ICA1: variants seen among roughly 807,000 people sequenced by gnomAD.
ICA1 encodes the protein 69 kDa islet cell autoantigen.
Under a neutral mutation model 71.0 loss-of-function variants are expected in ICA1, and 40 were observed. That is an observed-to-expected ratio of 0.56 (90% CI 0.44 to 0.73). ICA1 has a LOEUF of 0.73. Ranked by LOEUF, ICA1 falls within the 30% of genes least tolerant of loss-of-function variation. The pLI is 0.00. For synonymous variants in ICA1, 207 were observed against 209.5 expected (o/e 0.99, Z 0.10); for missense variants, 578 against 576.5 (o/e 1.00, Z -0.03).
At chr7:8,140,936 C>T (rs1169922181) in intron 10 of ICA1, among the ~76,000 whole-genome samples, 2 of 152,182 alleles carry the variant, frequency 1.3e-5, no homozygotes, top group Non-Finnish European at 2.9e-5. Context: ...CAGGAAGGTA[C>T]CACACCAGAG....
intron 13 of ICA1, among the ~76,000 whole-genome samples, chr7:8,125,897 C>G (rs1788981735): frequency 6.6e-6 from 1 of 152,188 alleles, no homozygotes; most frequent in Admixed American, 6.5e-5. Flanking sequence ...AGAACACCTC[C>G]CTCCTTAGAC....
intron 12 of ICA1, among the ~76,000 whole-genome samples, chr7:8,138,220 T>A (rs1794061301): frequency 6.6e-6 from 1 of 152,170 alleles, no homozygotes; most frequent in Non-Finnish European, 1.5e-5. Flanking sequence ...CATAAGTGAT[T>A]TTAGGTTTGG....
intron 6 of ICA1, among the ~76,000 whole-genome samples, chr7:8,168,247 G>A (rs190336257): frequency 1.8e-3 from 275 of 152,236 alleles, no homozygotes; most frequent in African/African-American, 6.4e-3. Flanking sequence ...GATCTAAGAA[G>A]TTTCATGATA....
intron 4 of ICA1, among the ~76,000 whole-genome samples, chr7:8,227,196 C>A (rs1477580409): frequency 6.6e-6 from 1 of 152,054 alleles, no homozygotes; most frequent in African/African-American, 2.4e-5. Flanking sequence ...AAGGTTTAAG[C>A]CAAGGAAGAA....
intron 6 of ICA1, among the ~76,000 whole-genome samples, chr7:8,202,418 G>C (rs1790039865): frequency 6.6e-6 from 1 of 152,164 alleles, no homozygotes; most frequent in Non-Finnish European, 1.5e-5. Flanking sequence ...AAATTGCTTA[G>C]AACTGTAGCT....
At chr7:8,251,222 A>C (rs957935089) in intron 1 of ICA1, among the ~76,000 whole-genome samples, 12 of 152,106 alleles carry the variant, frequency 7.9e-5, no homozygotes, top group African/African-American at 2.4e-4. Flanking sequence ...TTTACATTTC[A>C]AAAGAACTCA....
intron 13 of ICA1, among the ~76,000 whole-genome samples, chr7:8,115,751 C>A (rs935155081): frequency 2.0e-5 from 3 of 152,248 alleles, no homozygotes; most frequent in Admixed American, 1.3e-4. Context: ...GCTAGAGCTG[C>A]AAACACAGAT....
At chr7:8,193,424 T>A (rs1786375282) in intron 6 of ICA1, among the ~76,000 whole-genome samples, 1 of 152,234 alleles carries the variant, frequency 6.6e-6, no homozygotes, top group Non-Finnish European at 1.5e-5. Flanking sequence ...CCACAACTTA[T>A]CTGCTCAATC....
chr7:8,120,550 T>C (rs766290463), intron 13 of ICA1, among the ~76,000 whole-genome samples: 3 of 152,174 alleles, frequency 2.0e-5, no homozygotes, highest in Non-Finnish European at 4.4e-5. Context: ...GGCTGAGGCA[T>C]TTTTAACATG....
At chr7:8,211,922 C>T (rs372456772) in intron 6 of ICA1, among the ~76,000 whole-genome samples, 1 of 152,174 alleles carries the variant, frequency 6.6e-6, no homozygotes, top group Non-Finnish European at 1.5e-5. Flanking sequence ...TAGGCATGGT[C>T]ATGTTCCAAT....
rs1802604524 is a variant in ICA1, at chr7:8,158,657, G to A, written c.580-5C>T. The A allele has an allele frequency of 6.2e-7, 1 of 1,613,564 alleles. No individual in the cohort carries two copies. Among genetic ancestry groups the A allele is most frequent in the Admixed American group, 1.7e-5 (1 of 59,964 alleles). ...AAGGCGCACTTGTGTTTGTACCTAT[G>A]AAAATAAAGAGGAATTTCTGAATCA... On this transcript the variant is annotated splice_region_variant and splice_polypyrimidine_tract_variant and intron_variant, in intron 6 of 13. Coordinates refer to ENST00000402384, the MANE Select transcript of ICA1 (RefSeq NM_001136020.3).
At position 8,256,820 on chromosome 7, in the gene ICA1, T is replaced by C. The variant is rs142279870; in HGVS notation, c.-80+5274A>G. Reference sequence around the variant, plus strand: ...GAGCACAGTAGCCATTCAGTACATATGTGCTGGGCAAGGGGCAATAATTAT... The same window carrying C: ...GAGCACAGTAGCCATTCAGTACATACGTGCTGGGCAAGGGGCAATAATTAT... On this transcript the variant is annotated intron_variant, in intron 1 of 13. Coordinates refer to ENST00000402384, the MANE Select transcript of ICA1 (RefSeq NM_001136020.3). Among the ~76,000 whole-genome samples, 57 of 152,334 alleles carry C rather than the reference T, an allele frequency of 3.7e-4. 5 individuals carry two copies. In the East Asian group the frequency reaches 0.011, roughly 28 times the overall value.
rs1216728776 is a variant in ICA1 at position 8,218,478 on chromosome 7, G to A, written c.406C>T (p.Arg136Ter). 3.7e-6 allele frequency: 6 copies of A among 1,613,894 alleles called. No individual in the cohort carries two copies. Among genetic ancestry groups the A allele is most frequent in the South Asian group, 1.1e-5 (1 of 91,072 alleles). The change falls in exon 6 of 14, where the codon CGA (arginine) becomes TGA (stop). Residue 136 changes from arginine to a stop codon, truncating the protein, a stop_gained. Coordinates refer to ENST00000402384, the MANE Select transcript of ICA1 (RefSeq NM_001136020.3). LOFTEE classifies it high-confidence loss of function. ...AAAGTCTCCACTTCTTGGTGAAATC[G>A]ACACAAAGGATTTCGTAAGGCCAAC... ...QRLALRNPLC[R>*]FHQEVETFRH...
At chr7:8,151,418 C>G (rs1447248704) in intron 8 of ICA1, among the ~76,000 whole-genome samples, 2 of 152,220 alleles carry the variant, frequency 1.3e-5, no homozygotes, top group African/African-American at 4.8e-5. Flanking sequence ...TCCCTCCTTT[C>G]TTGGTGACCT....
Position 8,174,519 on chromosome 7 carries a change from C to A in ICA1, c.580-15867G>T, listed in dbSNP as rs529280865. On this transcript the variant is annotated intron_variant, in intron 6 of 13. Transcript: ENST00000402384. ...GGCAAGAAAAAAAATGAAAGCTGGGCGTGGTGGTTCACGCCTGTAATCCCA... is the reference window on the plus strand; with the variant it reads ...GGCAAGAAAAAAAATGAAAGCTGGGAGTGGTGGTTCACGCCTGTAATCCCA... 4.4e-3 allele frequency among the ~76,000 whole-genome samples: 671 copies of A among 151,866 alleles called. 1 individual carries two copies. The highest frequency in any genetic ancestry group is 6.3e-3 in the Non-Finnish European group (428 of 67,922).
At chr7:8,184,052 A>C (rs1783114609) in intron 6 of ICA1, among the ~76,000 whole-genome samples, 1 of 152,256 alleles carries the variant, frequency 6.6e-6, no homozygotes, top group South Asian at 2.1e-4. Context: ...TAAGATGCTT[A>C]TCTCACTGAT....
chr7:8,148,116 C>T (rs1048436939), intron 8 of ICA1, among the ~76,000 whole-genome samples: 13 of 152,050 alleles, frequency 8.5e-5, no homozygotes, highest in African/African-American at 1.9e-4. Context: ...CCATCCACCA[C>T]CCTGAACTGG....
At chr7:8,211,919 G>A (rs981714974) in intron 6 of ICA1, among the ~76,000 whole-genome samples, 3 of 152,114 alleles carry the variant, frequency 2.0e-5, no homozygotes, top group African/African-American at 7.2e-5. Flanking sequence ...GAATAGGCAT[G>A]GTCATGTTCC....
intron 9 of ICA1, among the ~76,000 whole-genome samples, chr7:8,142,623 A>C (rs968650128): frequency 6.6e-6 from 1 of 152,238 alleles, no homozygotes; most frequent in Admixed American, 6.5e-5. Context: ...ACACAAGAGT[A>C]AGTGGGCAGC....
Sources: allele counts gnomAD v4.1 joint callset (sites outside exome capture counted in the v4.1 genomes callset), GRCh38; gene constraint gnomAD v4.1.1; transcripts MANE v1.5; gene names NCBI Gene and HGNC (gene_info 2026-07-23, HGNC 2026-07-21).